DIO1: variants seen among roughly 807,000 people sequenced by gnomAD.
DIO1 encodes the protein iodothyronine deiodinase 1, also known as type I iodothyronine deiodinase.
Under a neutral mutation model 25.9 loss-of-function variants are expected in DIO1, and 17 were observed. The observed-to-expected ratio is 0.66, with a 90% confidence interval of 0.45 to 0.98. The LOEUF (loss-of-function observed/expected upper bound fraction) is 0.98, where lower values mean the gene tolerates loss of function less well. Among genes scored for constraint, DIO1 ranks in the 50% least tolerant of loss-of-function variants. The pLI, the probability that DIO1 is intolerant of heterozygous loss-of-function variation, is 0.00. For missense variants in DIO1, 270 were observed against 310.4 expected, an observed-to-expected ratio of 0.87 and a Z score of 0.98; for synonymous variants, 115 against 114.0, an observed-to-expected ratio of 1.01 and a Z score of -0.05.
intron 1 of DIO1, among the ~76,000 whole-genome samples, chr1:53,896,853 G>A (rs908231962): frequency 1.3e-5 from 2 of 152,196 alleles, no homozygotes; most frequent in Non-Finnish European, 2.9e-5. Context: ...TTTGTAGCCT[G>A]ACAAGGAAAA....
At position 53,906,289 on chromosome 1, in the gene DIO1, T is replaced by G; in HGVS notation, c.676T>G (p.Tyr226Asp). The change falls in exon 3 of 4, where the codon TAC becomes GAC. Residue 226 changes from tyrosine (Y) to aspartate (D), a missense_variant. Transcript: ENST00000361921. ...CATAATCCAGGAGGGCAGGATCCTC[T>G]ACAAGGTGGTGACCTGGGGACAGGG... ...LYIIQEGRIL[Y>D]KGKSGPWNYN... 2 of 1,610,868 alleles carry G rather than the reference T, an allele frequency of 1.2e-6. No individual in the cohort carries two copies. Among genetic ancestry groups the G allele is most frequent in the Admixed American group, 1.7e-5 (1 of 59,712 alleles).
In DIO1 at chr1:53,906,122, A is replaced by T. The variant is rs1341245987; in HGVS notation, c.509A>T (p.Asp170Val). The T allele has an allele frequency of 6.2e-7, 1 of 1,614,184 alleles. No homozygotes were observed. Among genetic ancestry groups the T allele is most frequent in the Non-Finnish European group, 8.5e-7 (1 of 1,180,032 alleles). Residue 170 changes from aspartate to valine, a missense_variant, in exon 3 of 4, where the codon GAC (aspartate) becomes GTC (valine). Asp to Val is a radical substitution (Grantham distance 152). Transcript: ENST00000361921. ...GGCTGGGCTTTTAAGAACAACATGG[A>T]CATCAGAAATCACCAGAACCTTCAG... ...SDGWAFKNNM[D>V]IRNHQNLQDR... is the part of the protein sequence containing the mutation.
intron 3 of DIO1, among the ~76,000 whole-genome samples, chr1:53,908,933 A>G (rs998024442): frequency 6.6e-6 from 1 of 152,024 alleles, no homozygotes; most frequent in African/African-American, 2.4e-5. Flanking sequence ...CTCTACTAAA[A>G]GTACAAAAAA....
At chr1:53,897,636 G>A (rs2100760823) in intron 1 of DIO1, among the ~76,000 whole-genome samples, 1 of 152,256 alleles carries the variant, frequency 6.6e-6, no homozygotes, top group East Asian at 1.9e-4. Flanking sequence ...AGGATTGCTT[G>A]AACCCAGGAG....
intron 1 of DIO1, among the ~76,000 whole-genome samples, chr1:53,899,012 G>C (rs1194745085): frequency 6.6e-6 from 1 of 152,204 alleles, no homozygotes; most frequent in Non-Finnish European, 1.5e-5. Flanking sequence ...TGCACTTGCT[G>C]CTACTGGATA....
At chr1:53,898,121 C>G (rs1050124334) in intron 1 of DIO1, among the ~76,000 whole-genome samples, 11 of 152,034 alleles carry the variant, frequency 7.2e-5, no homozygotes, top group Admixed American at 2.0e-4. Flanking sequence ...AGGAGGTGGC[C>G]AAGGGAAAGC....
intron 1 of DIO1, among the ~76,000 whole-genome samples, chr1:53,895,118 A>G (rs1651004135): frequency 6.6e-6 from 1 of 152,200 alleles, no homozygotes; most frequent in Non-Finnish European, 1.5e-5. Context: ...GTAGCTGCTC[A>G]GTAAATACTT....
chr1:53,900,256 C>T (rs912741370), intron 1 of DIO1, among the ~76,000 whole-genome samples: 1 of 152,028 alleles, frequency 6.6e-6, no homozygotes, highest in African/African-American at 2.4e-5. Context: ...GACCTATGGC[C>T]TGTGTGTATT....
At position 53,904,654 on chromosome 1, in the gene DIO1, T is replaced by C. The variant is rs1286981942; in HGVS notation, c.338-12T>C. On this transcript the variant is annotated splice_polypyrimidine_tract_variant and intron_variant, in intron 1 of 3. Transcript: ENST00000361921. The stretch of plus-strand genomic sequence containing the variant: ...GTAGGGTCTCAGTTTGTGATGGTTG[T>C]TGCTGTTTCAGGTAATAGGCCACTG... 3 of 1,611,462 alleles carry C rather than the reference T, an allele frequency of 1.9e-6. No homozygotes were observed. The highest frequency in any genetic ancestry group is 2.2e-5 in the South Asian group (2 of 90,496).
intron 1 of DIO1, among the ~76,000 whole-genome samples, chr1:53,896,443 C>T (rs1175033150): frequency 6.6e-6 from 1 of 152,072 alleles, no homozygotes; most frequent in Non-Finnish European, 1.5e-5. Context: ...GTCTCGAACT[C>T]CTGGACTCAA....
chr1:53,902,957 C>T (rs540514331), intron 1 of DIO1: 1 of 151,226 alleles, frequency 6.6e-6, no homozygotes, highest in South Asian at 2.1e-4. Context: ...ATGGAGCATG[C>T]CCTGAGGACT....
intron 1 of DIO1, among the ~76,000 whole-genome samples, chr1:53,901,739 AG>A (rs1050303928): frequency 6.6e-6 from 1 of 152,134 alleles, no homozygotes; most frequent in Admixed American, 6.6e-5. Context: ...GCAACAAACA[AG>A]TCAGATATAG....
intron 1 of DIO1, chr1:53,903,206 T>C (rs969044556): frequency 7.2e-5 from 11 of 152,092 alleles, no homozygotes; most frequent in Admixed American, 1.3e-4. Context: ...AGTGCCATAG[T>C]GCAATTCGCC....
At position 53,905,464 on chromosome 1, in the gene DIO1, T is replaced by TTCCATA. The variant is rs1569730100; in HGVS notation, c.482-631_482-630insTCCATA. Among the ~76,000 whole-genome samples, 6 of 152,164 alleles carry TTCCATA rather than the reference T, an allele frequency of 3.9e-5. No homozygotes were observed. The East Asian group carries it at 9.6e-4, about 24-fold the overall frequency. On this transcript the variant is annotated intron_variant, in intron 2 of 3. Coordinates refer to ENST00000361921, the MANE Select transcript of DIO1 (RefSeq NM_000792.7). ...TGCTGGAATTACAGTCGTGAGCCAC[T>TTCCATA]GCACCCAGCCTATATTTGTATTTTT...
intron 1 of DIO1, among the ~76,000 whole-genome samples, chr1:53,896,207 TCTC>T (rs148560067): frequency 5.5e-5 from 8 of 145,812 alleles, no homozygotes; most frequent in African/African-American, 1.8e-4. Flanking sequence ...TTTTTCTTTT[TCTC>T]TTTTTTTTTT....
intron 1 of DIO1, among the ~76,000 whole-genome samples, chr1:53,902,057 C>T (rs1264826234): frequency 1.3e-5 from 2 of 152,004 alleles, no homozygotes; most frequent in African/African-American, 4.8e-5. Context: ...TCCAACCCTT[C>T]TCTTGTTGCT....
At position 53,906,324 on chromosome 1, in the gene DIO1, A is replaced by G. The variant is rs1268718188; in HGVS notation, c.681+30A>G. On this transcript the variant is annotated intron_variant, in intron 3 of 3. Transcript: ENST00000361921. ...TGACCTGGGGACAGGGGGCCCAGGGAGGGCAAAGGGGCCCAGGGAGGGCAA... is the reference window on the plus strand; with the variant it reads ...TGACCTGGGGACAGGGGGCCCAGGGGGGGCAAAGGGGCCCAGGGAGGGCAA... 3.2e-6 allele frequency: 5 copies of G among 1,583,084 alleles called. No individual in the cohort carries two copies. The East Asian group carries it at 1.1e-4, about 36-fold the overall frequency.
chr1:53,905,047 G>C (rs1289804670), intron 2 of DIO1, among the ~76,000 whole-genome samples: 4 of 152,168 alleles, frequency 2.6e-5, no homozygotes, highest in Non-Finnish European at 5.9e-5. Context: ...CTGGCTAGGA[G>C]AGGATTCTAA....
intron 1 of DIO1, among the ~76,000 whole-genome samples, chr1:53,896,629 C>T (rs1184125410): frequency 6.6e-6 from 1 of 152,170 alleles, no homozygotes; most frequent in East Asian, 1.9e-4. Context: ...CTATATCCCC[C>T]TCCTATGCAA....
Sources: gnomAD v4.1 joint callset for allele counts (sites outside exome capture counted in the v4.1 genomes callset) on GRCh38, gnomAD v4.1.1 for gene constraint, MANE v1.5 for transcripts, NCBI Gene and HGNC (gene_info 2026-07-23, HGNC 2026-07-21) for gene names.